Variants in SLC45A3 observed in about 807,000 individuals in gnomAD.
The protein encoded by SLC45A3 is solute carrier family 45 member 3.
Under a neutral mutation model 35.3 loss-of-function variants are expected in SLC45A3, and 17 were observed. That is an observed-to-expected ratio of 0.48 (90% confidence interval 0.33 to 0.72). The LOEUF is 0.72. Among genes scored for constraint, SLC45A3 ranks in the 30% least tolerant of loss-of-function variants. The pLI is 0.02. For missense variants in SLC45A3, 597 were observed against 731.7 expected (o/e 0.82, Z 2.12); for synonymous variants, 288 against 334.3 (o/e 0.86, Z 1.51).
In SLC45A3 at chr1:205,666,790, T is replaced by C. The variant is rs1433683671; in HGVS notation, c.-230-1904A>G. 1.3e-5 allele frequency among the ~76,000 whole-genome samples: 2 copies of C among 152,328 alleles called. No individual in the cohort carries two copies. The highest frequency in any genetic ancestry group is 2.9e-5 in the Non-Finnish European group (2 of 68,028). ...TTAGCTGAGCTGTCATAGGTTCAAC[T>C]TGAGCATCTCATTGCTGCATTTCCA... On this transcript the variant is annotated intron_variant, in intron 1 of 4. Transcript: ENST00000367145. The surrounding 1 kb of genome is among the most constrained non-coding windows in gnomAD (Gnocchi z 4.1).
intron 4 of SLC45A3, among the ~76,000 whole-genome samples, chr1:205,660,379 C>G (rs1366825708): frequency 6.6e-6 from 1 of 152,154 alleles, no homozygotes; most frequent in Non-Finnish European, 1.5e-5. Context: ...ACCATCCCCC[C>G]AACCCCTGCC....
intron 1 of SLC45A3, among the ~76,000 whole-genome samples, chr1:205,668,568 C>T (rs987693036): frequency 5.9e-5 from 9 of 152,086 alleles, no homozygotes; most frequent in African/African-American, 2.2e-4. Context: ...TCCCTTACAC[C>T]CTCCAGTCTT....
Position 205,663,485 on chromosome 1 carries a change from G to A in SLC45A3, c.306C>T (p.Leu102=), listed in dbSNP as rs778829876. The change falls in exon 3 of 5, where the codon CTC becomes CTT. Residue 102 remains leucine, a synonymous_variant. Transcript: ENST00000367145. ...LSLGILLSLF[L]IPRAGWLAGL... ...CTGCTAGCCAGCCGGCCCTTGGGAT[G>A]AGAAAGAGGCTCAGCAGGATGCCCA... 9 of 1,613,024 alleles carry A rather than the reference G, an allele frequency of 5.6e-6. No homozygotes were observed. The highest frequency in any genetic ancestry group is 2.7e-5 in the African/African-American group (2 of 74,934).
intron 1 of SLC45A3, among the ~76,000 whole-genome samples, chr1:205,676,315 TC>T (rs1671314449): frequency 6.6e-6 from 1 of 152,118 alleles, no homozygotes; most frequent in South Asian, 2.1e-4. Context: ...CCTGAGGGTA[TC>T]CCCTCTGGCT....
chr1:205,662,246 T>G lies in SLC45A3; in HGVS notation c.959-120A>C. The G allele has an allele frequency of 6.9e-7, 1 of 1,456,752 alleles. No homozygotes were observed. Among genetic ancestry groups the G allele is most frequent in the Non-Finnish European group, 9.0e-7 (1 of 1,105,284 alleles). The allele number at this position is 1,456,752 out of a possible 1,614,324, so 90.2% of individuals were successfully genotyped here. A position where few individuals can be genotyped will look rare whatever the true frequency, so the allele number is the denominator to read the frequency against. On this transcript the variant is annotated intron_variant, in intron 3 of 4. Transcript: ENST00000367145. The surrounding 1 kb of genome is among the most constrained non-coding windows in gnomAD (Gnocchi z 6.2). ...CACGAGACCTGCTGTGGACCAGCCCTGCTCCCCAGCACCCTTCCCCTTTCT... is the reference window on the plus strand; with the variant it reads ...CACGAGACCTGCTGTGGACCAGCCCGGCTCCCCAGCACCCTTCCCCTTTCT...
Position 205,658,483 on chromosome 1 carries a change from T to C in SLC45A3, c.*751A>G, listed in dbSNP as rs1670961374. ...CCAGCTATCTCAGGGGACCTGATTG[T>C]TGGGGATCCCCCACCCTACCCAAAT... is the stretch of plus-strand genomic sequence containing the variant. On this transcript the variant is annotated 3_prime_UTR_variant, in exon 5 of 5. Coordinates refer to ENST00000367145, the MANE Select transcript of SLC45A3 (RefSeq NM_033102.3). 3 of 233,072 alleles carry C rather than the reference T, an allele frequency of 1.3e-5. No individual in the cohort carries two copies. Among genetic ancestry groups the C allele is most frequent in the Non-Finnish European group, 2.5e-5 (3 of 117,976 alleles). The allele number at this position is 233,072 out of a possible 1,614,324, so 14.4% of individuals were successfully genotyped here.
intron 1 of SLC45A3, among the ~76,000 whole-genome samples, chr1:205,675,981 G>T (rs1490372968): frequency 6.6e-6 from 1 of 152,206 alleles, no homozygotes. Flanking sequence ...CTGGAAAGCA[G>T]GAAGCACAGG....
intron 1 of SLC45A3, among the ~76,000 whole-genome samples, chr1:205,667,393 G>C (rs1236795369): frequency 6.6e-6 from 1 of 152,168 alleles, no homozygotes; most frequent in Non-Finnish European, 1.5e-5. Context: ...TACAATCCCA[G>C]CTACTCGGGA....
rs936696756 is a variant in SLC45A3, at chr1:205,669,033, C to G, written c.-230-4147G>C. ...GACACCCCCAGGGCTGGCTCCCACC[C>G]CAGCAAGAAAAGGGGCCGGGAAATG... On this transcript the variant is annotated intron_variant, in intron 1 of 4. Transcript: ENST00000367145. The surrounding 1 kb of genome is among the most constrained non-coding windows in gnomAD (Gnocchi z 4.1). Among the ~76,000 whole-genome samples the G allele has an allele frequency of 1.3e-5, 2 of 152,174 alleles. No homozygotes were observed. The highest frequency in any genetic ancestry group is 2.4e-5 in the African/African-American group (1 of 41,436).
chr1:205,662,827 C>T lies in SLC45A3; in HGVS notation c.958+6G>A, dbSNP rs1430742891. 1 of 1,578,012 alleles carries T rather than the reference C, an allele frequency of 6.3e-7. No homozygotes were observed. The highest frequency in any genetic ancestry group is 2.3e-5 in the East Asian group (1 of 44,318). ...CACCAGCCTCTGCTGGCTGCCAAGG[C>T]CTTACCTTCATCATAGTGTCTCCGG... On this transcript the variant is annotated splice_donor_region_variant and intron_variant, in intron 3 of 4. Transcript: ENST00000367145. This position sits in a 1 kb window ranked among gnomAD's most constrained non-coding sequence, Gnocchi z 6.2.
Position 205,659,196 on chromosome 1 carries a change from G to T in SLC45A3, c.*38C>A. 6.4e-7 allele frequency: 1 copy of T among 1,563,656 alleles called. No individual in the cohort carries two copies. Among genetic ancestry groups the T allele is most frequent in the African/African-American group, 1.4e-5 (1 of 74,036 alleles). ...AACAGGAGCGGGGAGCTGGGACCCAGTGAGGCAGGCCCTCCACCCCAATGT... is the reference window on the plus strand; with the variant it reads ...AACAGGAGCGGGGAGCTGGGACCCATTGAGGCAGGCCCTCCACCCCAATGT... On this transcript the variant is annotated 3_prime_UTR_variant, in exon 5 of 5. Coordinates refer to ENST00000367145, the MANE Select transcript of SLC45A3 (RefSeq NM_033102.3). The surrounding 1 kb of genome is among the most constrained non-coding windows in gnomAD (Gnocchi z 5.8).
Position 205,663,400 on chromosome 1 carries a change from G to A in SLC45A3, c.391C>T (p.Leu131=). The change falls in exon 3 of 5, where the codon CTG becomes TTG. Residue 131 remains leucine, a synonymous_variant. Transcript: ENST00000367145. ...CACACCTGGCCACAGAAGTCCAGCA[G>A]CCCCACGCCCAGGATGAGCAGTGCC... ...ELALLILGVG[L]LDFCGQVCFT... The A allele has an allele frequency of 2.5e-6, 4 of 1,613,340 alleles. No individual in the cohort carries two copies. The highest frequency in any genetic ancestry group is 3.4e-6 in the Non-Finnish European group (4 of 1,179,962).
chr1:205,677,162 A>G (rs1228175396), intron 1 of SLC45A3, among the ~76,000 whole-genome samples: 1 of 152,220 alleles, frequency 6.6e-6, no homozygotes, highest in Non-Finnish European at 1.5e-5. Flanking sequence ...TGAGGGGTAC[A>G]CTCTGGGAAG....
intron 1 of SLC45A3, among the ~76,000 whole-genome samples, chr1:205,670,697 G>C (rs972999830): frequency 4.6e-5 from 7 of 152,216 alleles, no homozygotes; most frequent in African/African-American, 1.7e-4. Flanking sequence ...TGCAGGCCGG[G>C]ACACAAAGGG....
intron 1 of SLC45A3, among the ~76,000 whole-genome samples, chr1:205,667,440 G>A (rs1303045668): frequency 6.6e-6 from 1 of 152,134 alleles, no homozygotes; most frequent in Non-Finnish European, 1.5e-5. Flanking sequence ...CTGGGAGGCG[G>A]AGGTTGCAGT....
chr1:205,662,650 T>C lies in SLC45A3; in HGVS notation c.958+183A>G. 19 of 1,384,120 alleles carry C rather than the reference T, an allele frequency of 1.4e-5. No homozygotes were observed. Among genetic ancestry groups the C allele is most frequent in the Non-Finnish European group, 1.6e-5 (17 of 1,074,004 alleles). 85.7% of individuals were successfully genotyped at this position (1,384,120 alleles called of 1,614,324 possible). On this transcript the variant is annotated intron_variant, in intron 3 of 4. Transcript: ENST00000367145. The surrounding 1 kb of genome is among the most constrained non-coding windows in gnomAD (Gnocchi z 6.2). ...CTCCTAGAGCAGCCAGAGGCCTTCC[T>C]GAAACCGCAAGCAGAGATGTTCCAC... is the stretch of plus-strand genomic sequence containing the variant.
rs1160568174 is a variant in SLC45A3 at position 205,666,328 on chromosome 1, C to T, written c.-230-1442G>A. 2.0e-5 allele frequency among the ~76,000 whole-genome samples: 3 copies of T among 151,964 alleles called. No individual in the cohort carries two copies. The highest frequency in any genetic ancestry group is 4.8e-5 in the African/African-American group (2 of 41,342). On this transcript the variant is annotated intron_variant, in intron 1 of 4. Coordinates refer to ENST00000367145, the MANE Select transcript of SLC45A3 (RefSeq NM_033102.3). This position sits in a 1 kb window ranked among gnomAD's most constrained non-coding sequence, Gnocchi z 4.1. Reference sequence around the variant, plus strand: ...TTTGAGACCAGCCTGGGCAACACAGCGAGACCCCCTCTCTACAAAAAATTT... The same window carrying T: ...TTTGAGACCAGCCTGGGCAACACAGTGAGACCCCCTCTCTACAAAAAATTT...
At position 205,661,985 on chromosome 1, in the gene SLC45A3, C is replaced by A; in HGVS notation, c.1100G>T (p.Gly367Val). 1 of 1,613,950 alleles carries A rather than the reference C, an allele frequency of 6.2e-7. No individual in the cohort carries two copies. The highest frequency in any genetic ancestry group is 8.5e-7 in the Non-Finnish European group (1 of 1,180,006). Reference sequence around the variant, plus strand: ...CACACTGTGGGACAGGCATGTGGCACCGGCAGCCACAGGGAAAGCTGCCAC... The same window carrying A: ...CACACTGTGGGACAGGCATGTGGCAACGGCAGCCACAGGGAAAGCTGCCAC... ...ASVAAFPVAA[G>V]ATCLSHSVAV... Residue 367 changes from glycine (G) to valine (V), a missense_variant, in exon 4 of 5, where the codon GGT (glycine) becomes GTT (valine). Gly to Val is a moderately radical substitution (Grantham distance 109). Coordinates refer to ENST00000367145, the MANE Select transcript of SLC45A3 (RefSeq NM_033102.3).
chr1:205,678,348 G>C (rs1301769901), intron 1 of SLC45A3, among the ~76,000 whole-genome samples: 1 of 152,176 alleles, frequency 6.6e-6, no homozygotes, highest in South Asian at 2.1e-4. Context: ...GACAGTCTGG[G>C]TTTTTATCCA....
Sources: allele counts gnomAD v4.1 joint callset (sites outside exome capture counted in the v4.1 genomes callset), GRCh38; gene constraint gnomAD v4.1.1; non-coding constraint Gnocchi (gnomAD v3.1); transcripts MANE v1.5; gene names NCBI Gene and HGNC (gene_info 2026-07-23, HGNC 2026-07-21).